The following SPATA31D1 variants were observed in gnomAD, a reference collection of about 807,000 sequenced individuals.
SPATA31D1 encodes SPATA31 subfamily D member 1, also known as spermatogenesis-associated protein 31D1.
Under a neutral mutation model 13.2 loss-of-function variants are expected in SPATA31D1, and 6 were observed. The ratio of observed to expected loss-of-function variants is 0.46; its 90% confidence interval spans 0.25 to 0.90. The LOEUF (loss-of-function observed/expected upper bound fraction) is 0.90. Ranked by LOEUF, SPATA31D1 falls within the 40% of genes least tolerant of loss-of-function variation. The pLI is 0.18. For missense variants in SPATA31D1, 2,445 were observed against 1,884.7 expected (o/e 1.30, Z -5.50); for synonymous variants, 903 against 718.8 (o/e 1.26, Z -4.10).
rs1436192832 is a variant in SPATA31D1, at chr9:81,992,125, C to G, written c.1655C>G (p.Pro552Arg). 2 of 1,613,764 alleles carry G rather than the reference C, an allele frequency of 1.2e-6. No individual in the cohort carries two copies. Among genetic ancestry groups the G allele is most frequent in the East Asian group, 2.2e-5 (1 of 44,874 alleles). ...HESPVLPPPQ[P>R]LSLPSTQPLP... ...TCCCCAGTACTTCCCCCTCCCCAAC[C>G]TCTGTCCTTGCCTAGTACCCAACCA... is the stretch of plus-strand genomic sequence containing the variant. The change falls in exon 4 of 4, where the codon CCT (proline) becomes CGT (arginine). Residue 552 changes from proline to arginine, a missense_variant. Physicochemically the swap from Pro to Arg is moderately radical, Grantham distance 103. Transcript: ENST00000344803.
In SPATA31D1 at chr9:81,991,389, G is replaced by T. The variant is rs1824957445; in HGVS notation, c.919G>T (p.Glu307Ter). ...ACCAATCCCATCTGCTTTACCACCG[G>T]AAGATTGCACTGTGACTCAGTCTAA... ...GPPIPSALPP[E>*]DCTVTQSKSS... The change falls in exon 4 of 4, where the codon GAA becomes TAA. Residue 307 changes from glutamate (E) to a stop codon, truncating the protein, a stop_gained. Coordinates refer to ENST00000344803, the MANE Select transcript of SPATA31D1 (RefSeq NM_001001670.3). LOFTEE classifies it low-confidence loss of function (END_TRUNC). The T allele has an allele frequency of 6.2e-7, 1 of 1,613,970 alleles. No individual in the cohort carries two copies. The highest frequency in any genetic ancestry group is 8.5e-7 in the Non-Finnish European group (1 of 1,179,882).
At position 81,994,874 on chromosome 9, in the gene SPATA31D1, G is replaced by A; in HGVS notation, c.4404G>A (p.Val1468=). Residue 1468 remains valine, a synonymous_variant, in exon 4 of 4, where the codon GTG becomes GTA. Coordinates refer to ENST00000344803, the MANE Select transcript of SPATA31D1 (RefSeq NM_001001670.3). ...ACTACAGGGCTCCCTCCTGCAAAGT[G>A]ACACGTACCAAATCTTGCAGCCAAC... The part of the protein sequence containing the change: ...PCNYRAPSCK[V]TRTKSCSQQA... 1 of 1,613,978 alleles carries A rather than the reference G, an allele frequency of 6.2e-7. No individual in the cohort carries two copies. The highest frequency in any genetic ancestry group is 8.5e-7 in the Non-Finnish European group (1 of 1,179,888).
chr9:81,992,846 T>G lies in SPATA31D1; in HGVS notation c.2376T>G (p.Ser792=), dbSNP rs374062634. ...ACCTGTTGCATGGTCCGGAGACTTC[T>G]TCAGACAAGGATCTGAGGTCTAACT... The part of the protein sequence containing the change: ...KDHLLHGPET[S]SDKDLRSNSE... Residue 792 remains serine (S), a synonymous_variant, in exon 4 of 4, where the codon TCT becomes TCG. Coordinates refer to ENST00000344803, the MANE Select transcript of SPATA31D1 (RefSeq NM_001001670.3). 3.1e-6 allele frequency: 5 copies of G among 1,613,684 alleles called. No individual in the cohort carries two copies. In the African/African-American group the frequency reaches 5.3e-5, roughly 17 times the overall value.
chr9:81,989,730 G>T, intron 1 of SPATA31D1, 48 bp from the exon 2 acceptor site: 3 of 1,601,882 alleles, frequency 1.9e-6, no homozygotes, highest in Non-Finnish European at 2.6e-6. Flanking sequence ...TTCATAGAGA[G>T]TGAGAGAAGT....
chr9:81,988,722 G>T, upstream of SPATA31D1: 2 of 1,583,092 alleles, frequency 1.3e-6, no homozygotes, highest in Non-Finnish European at 1.7e-6. Flanking sequence ...GAAACCTTCT[G>T]TGACTCTTCC....
rs1223386847 is a variant in SPATA31D1, at chr9:81,991,263, A to G, written c.793A>G (p.Ser265Gly). 2 of 1,613,882 alleles carry G rather than the reference A, an allele frequency of 1.2e-6. No homozygotes were observed. The change falls in exon 4 of 4, where the codon AGT becomes GGT. Residue 265 changes from serine to glycine, a missense_variant. By Grantham distance (56) the Ser-to-Gly change is moderately conservative. Coordinates refer to ENST00000344803, the MANE Select transcript of SPATA31D1 (RefSeq NM_001001670.3). ...GGAGTCCAGCCTCCAACCTGAAGCC[A>G]GTTTGTCTCTGAACACCATCTTTTC... ...RVESSLQPEA[S>G]LSLNTIFSFG...
rs764221029 is a variant in SPATA31D1 at position 81,994,204 on chromosome 9, C to T, written c.3734C>T (p.Ser1245Leu). 31 of 1,613,896 alleles carry T rather than the reference C, an allele frequency of 1.9e-5. No homozygotes were observed. The highest frequency in any genetic ancestry group is 8.0e-5 in the African/African-American group (6 of 74,928). Residue 1245 changes from serine (S) to leucine (L), a missense_variant, in exon 4 of 4, where the codon TCG becomes TTG. Physicochemically the swap from Ser to Leu is moderately radical, Grantham distance 145. Transcript: ENST00000344803. ...TTACTGACTAATTCCCAGGGCATCT[C>T]GAGTGGGGACATGGGAACTTCCCAG... ...KDLLTNSQGI[S>L]SGDMGTSQVV... is the part of the protein sequence containing the mutation.
intron 2 of SPATA31D1, 34 bp downstream of exon 2, chr9:81,989,857 G>A: frequency 6.2e-7 from 1 of 1,608,382 alleles, no homozygotes; most frequent in Non-Finnish European, 8.5e-7. Flanking sequence ...AGCTTCAGGG[G>A]TGACCCTTTC....
chr9:81,992,699 T>C lies in SPATA31D1; in HGVS notation c.2229T>C (p.Asn743=), dbSNP rs560197350. The C allele has an allele frequency of 2.9e-5, 46 of 1,613,790 alleles. No homozygotes were observed. The African/African-American group carries it at 5.9e-4, about 21-fold the overall frequency. Residue 743 remains asparagine, a synonymous_variant, in exon 4 of 4, where the codon AAT becomes AAC. Transcript: ENST00000344803. ...NISLVEGQRC[N]VLKKSASSFP... The stretch of plus-strand genomic sequence containing the variant: ...CTTTGGTTGAGGGTCAGAGGTGCAA[T>C]GTTCTAAAGAAGTCCGCATCAAGCT...
At position 81,992,983 on chromosome 9, in the gene SPATA31D1, T is replaced by A. The variant is rs1052364388; in HGVS notation, c.2513T>A (p.Phe838Tyr). The A allele has an allele frequency of 5.0e-6, 8 of 1,613,596 alleles. No individual in the cohort carries two copies. The highest frequency in any genetic ancestry group is 1.6e-4 in the Middle Eastern group (1 of 6,078). ...CTGACAGTACGTTTGAGCAAGAAAT[T>A]TGAGGAAATCAATGAGGGTCGAATG... ...NALTVRLSKK[F>Y]EEINEGRMPG... The change falls in exon 4 of 4, where the codon TTT becomes TAT. Residue 838 changes from phenylalanine to tyrosine, a missense_variant. Phe to Tyr is a conservative substitution (Grantham distance 22, BLOSUM62 3). Transcript: ENST00000344803.
upstream of SPATA31D1, chr9:81,988,622 A>C: frequency 5.7e-6 from 4 of 699,458 alleles, no homozygotes; most frequent in Non-Finnish European, 9.4e-6. Flanking sequence ...AAGGTAGGGC[A>C]GAGGGACCTA....
chr9:81,990,634 G>A, intron 3 of SPATA31D1, 139 bp from the exon 4 acceptor site: 1 of 1,335,392 alleles, frequency 7.5e-7, no homozygotes, highest in South Asian at 1.4e-5. Flanking sequence ...GTGTTGGGGA[G>A]AGGCTATAGT....
chr9:81,992,236 G>C lies in SPATA31D1; in HGVS notation c.1766G>C (p.Arg589Pro), dbSNP rs147641372. 1.7e-3 allele frequency: 2,772 copies of C among 1,613,634 alleles called. 38 individuals carry two copies. In the African/African-American group the frequency reaches 0.027, roughly 16 times the overall value. ...CTGGCTCAACCTCAATCTCCATTCC[G>C]AGCCCTACTACCTAGTCCTCTATTC... is the stretch of plus-strand genomic sequence containing the variant. The part of the protein sequence containing the change: ...KSLAQPQSPF[R>P]ALLPSPLFLI... The change falls in exon 4 of 4, where the codon CGA (arginine) becomes CCA (proline). Residue 589 changes from arginine (R) to proline (P), a missense_variant. Coordinates refer to ENST00000344803, the MANE Select transcript of SPATA31D1 (RefSeq NM_001001670.3).
Position 81,991,656 on chromosome 9 carries a change from G to A in SPATA31D1, c.1186G>A (p.Ala396Thr). 6.2e-7 allele frequency: 1 copy of A among 1,613,912 alleles called. No individual in the cohort carries two copies. Among genetic ancestry groups the A allele is most frequent in the Non-Finnish European group, 8.5e-7 (1 of 1,179,880 alleles). The stretch of plus-strand genomic sequence containing the variant: ...GGCCTTTTTAGGGGGGCACTCTGTG[G>A]CCAACCTCATAGAGCCTGTTAACAT... ...SEAFLGGHSVANLIEPVNISF... is the reference protein window; with the variant it reads ...SEAFLGGHSVTNLIEPVNISF... The change falls in exon 4 of 4, where the codon GCC becomes ACC. Residue 396 changes from alanine to threonine, a missense_variant. Physicochemically the swap from Ala to Thr is moderately conservative, Grantham distance 58 (BLOSUM62 0). Transcript: ENST00000344803.
At position 81,993,091 on chromosome 9, in the gene SPATA31D1, G is replaced by T. The variant is rs373534093; in HGVS notation, c.2621G>T (p.Arg874Leu). ...PEKSHSQIKH[R>L]NLVTLVSEDH... ...AAATCCCACAGCCAAATTAAACATC[G>T]AAATCTGGTAACATTGGTGAGTGAG... Residue 874 changes from arginine to leucine, a missense_variant, in exon 4 of 4, where the codon CGA becomes CTA. Transcript: ENST00000344803. The T allele has an allele frequency of 1.2e-6, 2 of 1,613,680 alleles. No homozygotes were observed. Among genetic ancestry groups the T allele is most frequent in the Non-Finnish European group, 1.7e-6 (2 of 1,179,786 alleles).
Position 81,991,178 on chromosome 9 carries a change from C to T in SPATA31D1, c.708C>T (p.Asp236=), listed in dbSNP as rs561290889. 3 of 1,613,894 alleles carry T rather than the reference C, an allele frequency of 1.9e-6. No individual in the cohort carries two copies. Among genetic ancestry groups the T allele is most frequent in the African/African-American group, 1.3e-5 (1 of 75,042 alleles). Residue 236 remains aspartate, a synonymous_variant, in exon 4 of 4, where the codon GAC becomes GAT. Coordinates refer to ENST00000344803, the MANE Select transcript of SPATA31D1 (RefSeq NM_001001670.3). Reference sequence around the variant, plus strand: ...CCTTGGATTCCAAGTTCCCCATAGACCATTCCCCACCCCAACAGCTTCCCT... The same window carrying T: ...CCTTGGATTCCAAGTTCCCCATAGATCATTCCCCACCCCAACAGCTTCCCT... ...VSPLDSKFPI[D]HSPPQQLPFP...
rs1338045983 is a variant in SPATA31D1, at chr9:81,991,003, C to T, written c.533C>T (p.Ala178Val). Residue 178 changes from alanine (A) to valine (V), a missense_variant, in exon 4 of 4, where the codon GCA (alanine) becomes GTA (valine). Transcript: ENST00000344803. Reference sequence around the variant, plus strand: ...TTCACTCTGGCTTCCACCCCCTCAGCAACCCCTCCAGAAGACCTAATACTG... The same window carrying T: ...TTCACTCTGGCTTCCACCCCCTCAGTAACCCCTCCAGAAGACCTAATACTG... Reference protein sequence around the residue: ...SSFTLASTPSATPPEDLILSP... With the variant: ...SSFTLASTPSVTPPEDLILSP... 1 of 1,613,688 alleles carries T rather than the reference C, an allele frequency of 6.2e-7. No individual in the cohort carries two copies. Among genetic ancestry groups the T allele is most frequent in the African/African-American group, 1.3e-5 (1 of 74,916 alleles).
At position 81,994,660 on chromosome 9, in the gene SPATA31D1, C is replaced by T. The variant is rs774395094; in HGVS notation, c.4190C>T (p.Thr1397Ile). The change falls in exon 4 of 4, where the codon ACT (threonine) becomes ATT (isoleucine). Residue 1397 changes from threonine to isoleucine, a missense_variant. Coordinates refer to ENST00000344803, the MANE Select transcript of SPATA31D1 (RefSeq NM_001001670.3). ...NIGRVIRAAF[T>I]GTTEAQKIRK... Reference sequence around the variant, plus strand: ...GGTCGAGTTATAAGAGCTGCCTTTACTGGGACTACTGAAGCTCAGAAAATT... The same window carrying T: ...GGTCGAGTTATAAGAGCTGCCTTTATTGGGACTACTGAAGCTCAGAAAATT... 4.3e-6 allele frequency: 7 copies of T among 1,613,382 alleles called. 1 individual carries two copies. In the Admixed American group the frequency reaches 8.3e-5, roughly 19 times the overall value.
Position 81,993,090 on chromosome 9 carries a change from C to T in SPATA31D1, c.2620C>T (p.Arg874Ter), listed in dbSNP as rs1346441428. The change falls in exon 4 of 4, where the codon CGA (arginine) becomes TGA (stop). Residue 874 changes from arginine to a stop codon, truncating the protein, a stop_gained. Coordinates refer to ENST00000344803, the MANE Select transcript of SPATA31D1 (RefSeq NM_001001670.3). LOFTEE classifies it low-confidence loss of function (END_TRUNC). ...PEKSHSQIKHRNLVTLVSEDH... is the reference protein window; with the variant it reads ...PEKSHSQIKH Reference sequence around the variant, plus strand: ...GAAATCCCACAGCCAAATTAAACATCGAAATCTGGTAACATTGGTGAGTGA... The same window carrying T: ...GAAATCCCACAGCCAAATTAAACATTGAAATCTGGTAACATTGGTGAGTGA... The T allele has an allele frequency of 1.9e-6, 3 of 1,613,676 alleles. No individual in the cohort carries two copies. The highest frequency in any genetic ancestry group is 2.5e-6 in the Non-Finnish European group (3 of 1,179,778).
Sources: allele counts gnomAD v4.1 joint callset, GRCh38; gene constraint gnomAD v4.1.1; transcripts MANE v1.5; gene names NCBI Gene and HGNC (gene_info 2026-07-23, HGNC 2026-07-21).